Variants in PRKAR2B observed in about 807,000 individuals in gnomAD.
PRKAR2B encodes the protein cAMP-dependent protein kinase type II-beta regulatory subunit.
Under a neutral mutation model 49.9 loss-of-function variants are expected in PRKAR2B, and 14 were observed. The observed-to-expected ratio is 0.28, with a 90% CI of 0.19 to 0.44. The LOEUF (loss-of-function observed/expected upper bound fraction) is 0.44. Ranked by LOEUF, PRKAR2B falls within the 20% of genes least tolerant of loss-of-function variation. The pLI is 1.00. For missense variants in PRKAR2B, 393 were observed against 537.9 expected (o/e 0.73, Z 2.67); for synonymous variants, 196 against 197.7 (o/e 0.99, Z 0.07).
chr7:107,066,340 C>G (rs968408503), intron 1 of PRKAR2B, among the ~76,000 whole-genome samples: 3 of 120,198 alleles, frequency 2.5e-5, no homozygotes, highest in Non-Finnish European at 3.5e-5. Context: ...GTGTATTCAC[C>G]AAATATCCAC....
At chr7:107,134,459 T>G (rs1469934385) in intron 4 of PRKAR2B, among the ~76,000 whole-genome samples, 1 of 152,266 alleles carries the variant, frequency 6.6e-6, no homozygotes, top group Non-Finnish European at 1.5e-5. Context: ...TAAAGCTAAA[T>G]CATGATAACA....
At chr7:107,100,569 A>G (rs1299410608) in intron 2 of PRKAR2B, among the ~76,000 whole-genome samples, 1 of 152,160 alleles carries the variant, frequency 6.6e-6, no homozygotes. Flanking sequence ...TTTTATTGTA[A>G]CATTTTTCTT....
intron 2 of PRKAR2B, among the ~76,000 whole-genome samples, chr7:107,105,751 C>G (rs1795059560): frequency 6.6e-6 from 1 of 152,096 alleles, no homozygotes; most frequent in Admixed American, 6.5e-5. Context: ...TGACAGTAGG[C>G]ACACTGATTC....
At chr7:107,068,416 G>A (rs908868623) in intron 1 of PRKAR2B, 16 of 152,066 alleles carry the variant, frequency 1.1e-4, no homozygotes, top group African/African-American at 3.6e-4. Context: ...TCCATTCACT[G>A]TCCTTGTAGC....
chr7:107,156,437 TG>T (rs981605676), intron 8 of PRKAR2B, among the ~76,000 whole-genome samples: 4 of 151,332 alleles, frequency 2.6e-5, no homozygotes, highest in Admixed American at 6.6e-5. Context: ...GACTCCATCT[TG>T]GGGGGGAAAA....
At position 107,159,727 on chromosome 7, in the gene PRKAR2B, T is replaced by C. The variant is rs1483934299; in HGVS notation, c.*145T>C. On this transcript the variant is annotated 3_prime_UTR_variant, in exon 11 of 11. Coordinates refer to ENST00000265717, the MANE Select transcript of PRKAR2B (RefSeq NM_002736.3). The stretch of plus-strand genomic sequence containing the variant: ...ACATTTACAACGTATCAATAAACAG[T>C]AGTGATTTAATAGTCAATAGGCTTT... 1.3e-6 allele frequency: 1 copy of C among 779,348 alleles called. No homozygotes were observed. Among genetic ancestry groups the C allele is most frequent in the East Asian group, 2.7e-5 (1 of 36,972 alleles). 48.3% of individuals were successfully genotyped at this position (779,348 alleles called of 1,614,324 possible).
chr7:107,099,370 G>T (rs539166505), intron 2 of PRKAR2B, among the ~76,000 whole-genome samples: 1 of 152,168 alleles, frequency 6.6e-6, no homozygotes, highest in African/African-American at 2.4e-5. Context: ...TTGGAAAAGC[G>T]CAGTATTAGG....
intron 1 of PRKAR2B, among the ~76,000 whole-genome samples, chr7:107,048,299 T>C (rs759192555): frequency 7.9e-5 from 12 of 152,306 alleles, no homozygotes; most frequent in Non-Finnish European, 1.3e-4. Context: ...GGAAGCCTGA[T>C]TTCTTACTCT....
In PRKAR2B at chr7:107,119,266, C is replaced by A. The variant is rs549001546; in HGVS notation, c.344-2686C>A. On this transcript the variant is annotated intron_variant, in intron 2 of 10. Transcript: ENST00000265717. Reference sequence around the variant, plus strand: ...CTTAACCAAATATCTTGCCTACTGCCTACTGCCTACTGCACCACCTCGTTG... The same window carrying A: ...CTTAACCAAATATCTTGCCTACTGCATACTGCCTACTGCACCACCTCGTTG... Among the ~76,000 whole-genome samples the A allele has an allele frequency of 3.3e-3, 506 of 152,270 alleles. 4 individuals are homozygous for A. Among genetic ancestry groups the A allele is most frequent in the Non-Finnish European group, 5.7e-3 (386 of 68,012 alleles).
At chr7:107,084,672 G>T (rs1385272085) in intron 2 of PRKAR2B, among the ~76,000 whole-genome samples, 1 of 150,126 alleles carries the variant, frequency 6.7e-6, no homozygotes, top group African/African-American at 2.5e-5. Flanking sequence ...CCACACTGGA[G>T]TGCAGTGGCG....
chr7:107,093,512 C>CT (rs58693908), intron 2 of PRKAR2B, among the ~76,000 whole-genome samples: 1,882 of 146,304 alleles, frequency 0.013, 33 homozygotes, highest in African/African-American at 0.04. Flanking sequence ...ACTTTTTTTT[C>CT]TTTTTTTTTT....
At chr7:107,149,776 A>G (rs984572114) in intron 6 of PRKAR2B, among the ~76,000 whole-genome samples, 3 of 152,204 alleles carry the variant, frequency 2.0e-5, no homozygotes, top group African/African-American at 4.8e-5. Context: ...CATAAGAAAG[A>G]ATGAATAAGA....
chr7:107,095,079 C>T (rs1031105971), intron 2 of PRKAR2B, among the ~76,000 whole-genome samples: 5 of 152,166 alleles, frequency 3.3e-5, no homozygotes, highest in African/African-American at 1.2e-4. Flanking sequence ...GGCGTTGAGT[C>T]TGTGAATTAC....
At chr7:107,081,156 T>A (rs1208622220) in intron 2 of PRKAR2B, among the ~76,000 whole-genome samples, 1 of 152,254 alleles carries the variant, frequency 6.6e-6, no homozygotes, top group Non-Finnish European at 1.5e-5. Context: ...CATAATTTTG[T>A]GTATGTATTA....
At chr7:107,122,129 G>A (rs930578964) in intron 3 of PRKAR2B, 125 bp downstream of exon 3, 2 of 538,988 alleles carry the variant, frequency 3.7e-6, no homozygotes, top group Non-Finnish European at 6.2e-6. Flanking sequence ...TATTTTGACT[G>A]TTTCTTTTCC....
At position 107,044,785 on chromosome 7, in the gene PRKAR2B, C is replaced by A; in HGVS notation, c.-123C>A. 2 of 602,896 alleles carry A rather than the reference C, an allele frequency of 3.3e-6. No homozygotes were observed. The highest frequency in any genetic ancestry group is 4.3e-6 in the Non-Finnish European group (2 of 460,016). The allele number at this position is 602,896 out of a possible 1,614,324, so 37.3% of individuals were successfully genotyped here. A position where few individuals can be genotyped will look rare whatever the true frequency, so the allele number is the denominator to read the frequency against. The stretch of plus-strand genomic sequence containing the variant: ...CCAGCCGGGCCGCCGGGGCCCAGTG[C>A]GCCGCGCTCGCAGCCGGTAGCGCGC... On this transcript the variant is annotated 5_prime_UTR_variant, in exon 1 of 11. Transcript: ENST00000265717.
At chr7:107,151,195 T>C (rs1795980975) in intron 7 of PRKAR2B, among the ~76,000 whole-genome samples, 172 bp downstream of exon 7, 1 of 152,260 alleles carries the variant, frequency 6.6e-6, no homozygotes, top group East Asian at 1.9e-4. Context: ...TCTTCTGCTA[T>C]CTATAATTTC....
At chr7:107,115,326 C>T (rs1164056216) in intron 2 of PRKAR2B, among the ~76,000 whole-genome samples, 1 of 152,026 alleles carries the variant, frequency 6.6e-6, no homozygotes, top group Non-Finnish European at 1.5e-5. Flanking sequence ...ACATGAACAT[C>T]GCTGGTCTGG....
At chr7:107,100,210 G>A (rs116156803) in intron 2 of PRKAR2B, among the ~76,000 whole-genome samples, 1 of 151,974 alleles carries the variant, frequency 6.6e-6, no homozygotes, top group Non-Finnish European at 1.5e-5. Flanking sequence ...CTCCTAGTCA[G>A]TGTTATCTAT....
Sources: allele counts gnomAD v4.1 joint callset (sites outside exome capture counted in the v4.1 genomes callset), GRCh38; gene constraint gnomAD v4.1.1; transcripts MANE v1.5; gene names NCBI Gene and HGNC (gene_info 2026-07-23, HGNC 2026-07-21).